Variants in PAK5 observed in about 807,000 individuals in gnomAD.
PAK5 encodes the protein p21 (RAC1) activated kinase 5.
A neutral mutation model predicts 65.9 loss-of-function variants in PAK5; 16 were observed. The observed-to-expected ratio is 0.24, with a 90% CI of 0.16 to 0.37. PAK5 has a LOEUF of 0.37. Ranked by LOEUF, PAK5 falls within the 10% of genes least tolerant of loss-of-function variation. The pLI is 1.00. For synonymous variants in PAK5, 371 were observed against 354.9 expected (o/e 1.05, Z -0.51); for missense variants, 785 against 903.9 (o/e 0.87, Z 1.69).
intron 1 of PAK5, among the ~76,000 whole-genome samples, chr20:9,738,572 T>C (rs181730630): frequency 2.0e-4 from 30 of 152,240 alleles, no homozygotes; most frequent in African/African-American, 7.0e-4. Context: ...GAAAAAAACA[T>C]ACTGAACGAT....
At chr20:9,716,019 G>T (rs917210093) in intron 1 of PAK5, among the ~76,000 whole-genome samples, 2 of 151,994 alleles carry the variant, frequency 1.3e-5, no homozygotes, top group African/African-American at 2.4e-5. Context: ...ACATTGTGCA[G>T]ATGTACCCTA....
At chr20:9,668,086 G>T (rs1350361026) in intron 2 of PAK5, among the ~76,000 whole-genome samples, 1 of 152,010 alleles carries the variant, frequency 6.6e-6, no homozygotes, top group African/African-American at 2.4e-5. Flanking sequence ...TTTTCCTTAA[G>T]AATTGCTTTT....
intron 1 of PAK5, among the ~76,000 whole-genome samples, chr20:9,743,359 G>A (rs1169318694): frequency 6.6e-6 from 1 of 151,066 alleles, no homozygotes; most frequent in Admixed American, 6.6e-5. Context: ...GACAGATAGA[G>A]CAAGACTCTG....
At chr20:9,786,788 T>A (rs2048997625) in intron 1 of PAK5, among the ~76,000 whole-genome samples, 1 of 152,194 alleles carries the variant, frequency 6.6e-6, no homozygotes, top group Non-Finnish European at 1.5e-5. Flanking sequence ...TGTGTTTCAA[T>A]ACTTTTTTAG....
At chr20:9,794,843 A>C (rs2049088139) in intron 1 of PAK5, among the ~76,000 whole-genome samples, 1 of 152,204 alleles carries the variant, frequency 6.6e-6, no homozygotes, top group South Asian at 2.1e-4. Flanking sequence ...ATTCGACGAA[A>C]GAAAAACCAT....
intron 3 of PAK5, among the ~76,000 whole-genome samples, chr20:9,602,114 A>C (rs1412436127): frequency 1.3e-5 from 2 of 151,832 alleles, no homozygotes; most frequent in African/African-American, 4.8e-5. Flanking sequence ...AACATAGTGA[A>C]ACCCCGTCTT....
At chr20:9,757,606 T>C (rs2048649854) in intron 1 of PAK5, among the ~76,000 whole-genome samples, 1 of 152,184 alleles carries the variant, frequency 6.6e-6, no homozygotes, top group Non-Finnish European at 1.5e-5. Context: ...GGTTTTGTCA[T>C]ATTTCAGCAT....
intron 1 of PAK5, among the ~76,000 whole-genome samples, chr20:9,823,866 G>A (rs1275041828): frequency 6.6e-6 from 1 of 151,534 alleles, no homozygotes; most frequent in Admixed American, 6.6e-5. Flanking sequence ...ATTACACTTA[G>A]AACTTGAGAA....
chr20:9,557,827 A>G, intron 6 of PAK5, 93 bp from the exon 7 acceptor site: 1 of 967,636 alleles, frequency 1.0e-6, no homozygotes, highest in Non-Finnish European at 1.6e-6. Flanking sequence ...TTAGTGAAAC[A>G]GTCCACGTGC....
At chr20:9,736,748 G>A (rs1001723451) in intron 1 of PAK5, among the ~76,000 whole-genome samples, 1 of 152,134 alleles carries the variant, frequency 6.6e-6, no homozygotes, top group Non-Finnish European at 1.5e-5. Flanking sequence ...TCGCTTATGT[G>A]GCCAAATTGG....
intron 3 of PAK5, among the ~76,000 whole-genome samples, chr20:9,583,201 GT>G (rs1245676098): frequency 5.3e-5 from 8 of 152,250 alleles, no homozygotes; most frequent in African/African-American, 1.7e-4. Flanking sequence ...CCATCCATCT[GT>G]ATCTATATTA....
chr20:9,731,304 T>G (rs2048332544), intron 1 of PAK5, among the ~76,000 whole-genome samples: 1 of 152,222 alleles, frequency 6.6e-6, no homozygotes, highest in Admixed American at 6.5e-5. Context: ...GTGAGTTTAA[T>G]TTTAATAATG....
intron 1 of PAK5, among the ~76,000 whole-genome samples, chr20:9,772,258 G>C (rs1426347066): frequency 6.6e-6 from 1 of 152,158 alleles, no homozygotes; most frequent in Non-Finnish European, 1.5e-5. Context: ...GTGACCCTCA[G>C]AACTAAAATA....
In PAK5 at chr20:9,732,025, T is replaced by G. The variant is rs568574541; in HGVS notation, c.-161-20590A>C. Among the ~76,000 whole-genome samples the G allele has an allele frequency of 7.9e-5, 12 of 152,246 alleles. No homozygotes were observed. In the South Asian group the frequency reaches 2.3e-3, roughly 29 times the overall value. Reference sequence around the variant, plus strand: ...AATTCATTTACATGGAAAATTGACATGTAAGGATTTTCTCTTGAGTCAAAT... The same window carrying G: ...AATTCATTTACATGGAAAATTGACAGGTAAGGATTTTCTCTTGAGTCAAAT... On this transcript the variant is annotated intron_variant, in intron 1 of 9. Transcript: ENST00000353224.
rs2045676499 is a variant in PAK5, at chr20:9,566,214, G to C, written c.1161C>G (p.Ser387=). The C allele has an allele frequency of 6.2e-7, 1 of 1,613,876 alleles. No individual in the cohort carries two copies. The highest frequency in any genetic ancestry group is 2.2e-5 in the East Asian group (1 of 44,866). ...YHKATLYHHP[S]LQSSSQYIST... ...AGATGTACTGCGAACTGCTCTGCAG[G>C]GAGGGGTGATGGTACAAGGTGGCTT... Residue 387 remains serine (S), a synonymous_variant, in exon 5 of 10, where the codon TCC becomes TCG. Transcript: ENST00000353224.
chr20:9,549,321 A>T (rs780549746), intron 7 of PAK5, among the ~76,000 whole-genome samples: 1 of 152,156 alleles, frequency 6.6e-6, no homozygotes, highest in Non-Finnish European at 1.5e-5. Flanking sequence ...CCCCACAAGC[A>T]TGTGTTCAGA....
chr20:9,796,006 A>G (rs1174582299), intron 1 of PAK5, among the ~76,000 whole-genome samples: 1 of 152,098 alleles, frequency 6.6e-6, no homozygotes, highest in Non-Finnish European at 1.5e-5. Flanking sequence ...TAATCATTAA[A>G]TTGATGGACC....
chr20:9,694,633 A>G (rs2047844303), intron 2 of PAK5, among the ~76,000 whole-genome samples: 1 of 151,872 alleles, frequency 6.6e-6, no homozygotes, highest in Admixed American at 6.6e-5. Context: ...TTGATTTTGG[A>G]CTTAATATGA....
At chr20:9,833,934 A>G (rs1347112902) in intron 1 of PAK5, among the ~76,000 whole-genome samples, 1 of 152,146 alleles carries the variant, frequency 6.6e-6, no homozygotes, top group Non-Finnish European at 1.5e-5. Context: ...GAATTCATGA[A>G]TAGAATCATT....
Sources: allele counts gnomAD v4.1 joint callset (sites outside exome capture counted in the v4.1 genomes callset), GRCh38; gene constraint gnomAD v4.1.1; transcripts MANE v1.5; gene names NCBI Gene and HGNC (gene_info 2026-07-23, HGNC 2026-07-21).